PRH1: variants seen among roughly 807,000 people sequenced by gnomAD.
PRH1 encodes salivary acidic proline-rich phosphoprotein 1/2.
PRH1 carries 7 observed loss-of-function variants against 7.9 expected under a neutral mutation model. That is an observed-to-expected ratio of 0.89 (90% confidence interval 0.50 to 1.67). PRH1 has a LOEUF of 1.67. Ranked by LOEUF, PRH1 falls within the 40% of genes most tolerant of loss-of-function variation. PRH1 has a pLI of 0.00. For missense variants in PRH1, 109 were observed against 223.6 expected, an observed-to-expected ratio of 0.49 and a Z score of 3.27; for synonymous variants, 45 against 80.8, an observed-to-expected ratio of 0.56 and a Z score of 2.38.
chr12:11,079,472 C>T lies in PRH1; in HGVS notation n.124-32284G>A, dbSNP rs180878003. ...TAGCTTCAAGATGCAGTACATGGCC[C>T]GTCTCCAGTCACCAGAGCCATCCAC... On this transcript the variant is annotated intron_variant and non_coding_transcript_variant, in intron 1 of 4. Transcript: ENST00000541977. Among the ~76,000 whole-genome samples the T allele has an allele frequency of 1.4e-4, 17 of 117,860 alleles. 2 individuals are homozygous for T. Among genetic ancestry groups the T allele is most frequent in the Admixed American group, 1.2e-3 (14 of 11,794 alleles). 77.3% of individuals were successfully genotyped at this position (117,860 alleles called of 152,430 possible).
chr12:10,957,013 A>G (rs538795068), intron 2 of PRH1, among the ~76,000 whole-genome samples: 1 of 152,176 alleles, frequency 6.6e-6, no homozygotes, highest in East Asian at 1.9e-4. Flanking sequence ...ATTCAATGCT[A>G]TTCCTGTCAA....
In PRH1 at chr12:10,964,837, C is replaced by A. The variant is rs188080711; in HGVS notation, c.-59+8818G>T. ...TGGTTACAGTCATATCTGAAAGGTG[C>A]GTCGGATCACTCAATTTGATCTCCC... On this transcript the variant is annotated intron_variant, in intron 2 of 3. Transcript: ENST00000539853. 23 of 543,112 alleles carry A rather than the reference C, an allele frequency of 4.2e-5. No individual in the cohort carries two copies. In the East Asian group the frequency reaches 9.7e-4, roughly 23 times the overall value. 33.6% of individuals were successfully genotyped at this position (543,112 alleles called of 1,614,324 possible). A position where few individuals can be genotyped will look rare whatever the true frequency, so the allele number is the denominator to read the frequency against.
chr12:11,136,342 C>A (rs1426286138), intron 1 of PRH1, among the ~76,000 whole-genome samples: 2 of 151,912 alleles, frequency 1.3e-5, no homozygotes, highest in Admixed American at 6.6e-5. Context: ...CTATATTGTT[C>A]CGTTGCATGG....
chr12:11,009,777 A>G (rs941395446), intron 1 of PRH1, among the ~76,000 whole-genome samples: 5 of 151,996 alleles, frequency 3.3e-5, no homozygotes, highest in African/African-American at 1.2e-4. Context: ...ATGGAAATTC[A>G]ATAAGCAGCT....
At chr12:10,930,415 C>T in intron 2 of PRH1, 4 of 1,488,098 alleles carry the variant, frequency 2.7e-6, no homozygotes, top group Non-Finnish European at 3.7e-6. Flanking sequence ...AATATCAGTG[C>T]CCCAGAGATA....
rs145889630 is a variant in PRH1, at chr12:11,008,004, G to A, written c.-125-34283C>T. Among the ~76,000 whole-genome samples the A allele has an allele frequency of 4.2e-3, 638 of 152,134 alleles. 6 individuals are homozygous for A. Among genetic ancestry groups the A allele is most frequent in the African/African-American group, 0.015 (612 of 41,516 alleles). ...AAATACTTTGCTAAGCCAAGAGAGT[G>A]GGAAATATGTCTACCCTTGTTGTGT... On this transcript the variant is annotated intron_variant, in intron 1 of 3. Transcript: ENST00000539853.
At chr12:10,941,893 CT>C (rs1413269510) in intron 2 of PRH1, among the ~76,000 whole-genome samples, 1 of 152,104 alleles carries the variant, frequency 6.6e-6, no homozygotes, top group Non-Finnish European at 1.5e-5. Context: ...GTTGTTTAGA[CT>C]TTTTTGTTCC....
upstream of PRH1, among the ~76,000 whole-genome samples, chr12:10,886,863 C>T (rs1949499978): frequency 6.6e-6 from 1 of 152,140 alleles, no homozygotes; most frequent in South Asian, 2.1e-4. Flanking sequence ...GACCACTTGC[C>T]TGATCTTTAC....
rs182106255 is a variant in PRH1 at position 10,964,732 on chromosome 12, C to T, written c.-59+8923G>A. On this transcript the variant is annotated intron_variant, in intron 2 of 3. Coordinates refer to the PRH1 transcript ENST00000539853. ...ATCCTTTGCCATGGAACTGCATCTT[C>T]TTGAGATGTTTACACAAAGAACAGA... The T allele has an allele frequency of 2.3e-5, 15 of 658,506 alleles. No individual in the cohort carries two copies. In the East Asian group the frequency reaches 5.8e-4, roughly 25 times the overall value. The allele number at this position is 658,506 out of a possible 1,614,324, so 40.8% of individuals were successfully genotyped here.
chr12:11,021,937 T>C (rs560445580), intron 1 of PRH1: 28 of 1,614,208 alleles, frequency 1.7e-5, no homozygotes, highest in African/African-American at 6.7e-5. Flanking sequence ...TCCTTTGCTA[T>C]GGAGCCGCAT....
intron 1 of PRH1, among the ~76,000 whole-genome samples, chr12:11,028,267 A>C (rs892172832): frequency 2.6e-5 from 4 of 152,240 alleles, no homozygotes; most frequent in Non-Finnish European, 4.4e-5. Flanking sequence ...CTAATGACAG[A>C]TGAGCAGATA....
chr12:11,010,789 A>C (rs1941032607), intron 1 of PRH1, among the ~76,000 whole-genome samples: 1 of 148,852 alleles, frequency 6.7e-6, no homozygotes, highest in Non-Finnish European at 1.5e-5. Context: ...TTTTTAGTTC[A>C]AAAAATTATG....
rs370654839 is a variant in PRH1, at chr12:11,079,867, G to T, written n.124-32679C>A. On this transcript the variant is annotated intron_variant and non_coding_transcript_variant, in intron 1 of 4. Transcript: ENST00000541977. Reference sequence around the variant, plus strand: ...ATAAAAATAGTGAATTTTTCCCTTCGGTATATAATGAGCAGAGTAATAATA... The same window carrying T: ...ATAAAAATAGTGAATTTTTCCCTTCTGTATATAATGAGCAGAGTAATAATA... Among the ~76,000 whole-genome samples the T allele has an allele frequency of 5.3e-5, 3 of 56,554 alleles. 1 individual carries two copies. Among genetic ancestry groups the T allele is most frequent in the Non-Finnish European group, 1.5e-4 (3 of 19,928 alleles). 37.1% of individuals were successfully genotyped at this position (56,554 alleles called of 152,430 possible). A position where few individuals can be genotyped will look rare whatever the true frequency, so the allele number is the denominator to read the frequency against.
intron 1 of PRH1, among the ~76,000 whole-genome samples, chr12:11,128,985 C>T (rs557883567): frequency 8.3e-6 from 1 of 120,128 alleles, no homozygotes; most frequent in Admixed American, 8.8e-5. Flanking sequence ...TACAGTGGCA[C>T]AATCATAGCC....
intron 1 of PRH1, among the ~76,000 whole-genome samples, chr12:11,152,717 T>C (rs919521280): frequency 1.3e-5 from 2 of 152,242 alleles, no homozygotes; most frequent in Non-Finnish European, 2.9e-5. Context: ...GGGCAAAGTA[T>C]AATTTCCATG....
At chr12:11,147,806 T>G (rs28751090) in intron 1 of PRH1, among the ~76,000 whole-genome samples, 43,773 of 151,816 alleles carry the variant, frequency 0.29, 8,133 homozygotes, top group East Asian at 0.74. Flanking sequence ...TTTAAAGTAG[T>G]TTTCCAATTC....
intron 1 of PRH1, among the ~76,000 whole-genome samples, chr12:11,115,156 G>T (rs1945695888): frequency 6.6e-6 from 1 of 152,024 alleles, no homozygotes; most frequent in African/African-American, 2.4e-5. Flanking sequence ...TTGCCTCTAA[G>T]AAACACACTT....
chr12:10,978,670 C>T (rs957333243), intron 1 of PRH1, among the ~76,000 whole-genome samples: 1 of 152,082 alleles, frequency 6.6e-6, no homozygotes, highest in Non-Finnish European at 1.5e-5. Flanking sequence ...ATTTTGCTAA[C>T]TATGCATCTG....
chr12:11,171,402 A>G, intron 1 of PRH1: 1 of 1,231,946 alleles, frequency 8.1e-7, no homozygotes, highest in Non-Finnish European at 1.0e-6. Context: ...CAGGGCCTCA[A>G]GCCCCGCCGC....
Sources: gnomAD v4.1 joint callset for allele counts (sites outside exome capture counted in the v4.1 genomes callset) on GRCh38, gnomAD v4.1.1 for gene constraint, MANE v1.5 for transcripts, NCBI Gene and HGNC (gene_info 2026-07-23, HGNC 2026-07-21) for gene names.